The following ADAMTS20 variants were observed in gnomAD, a reference collection of about 807,000 sequenced individuals.
ADAMTS20 encodes ADAM metallopeptidase with thrombospondin type 1 motif 20, also known as A disintegrin and metalloproteinase with thrombospondin motifs 20.
ADAMTS20 carries 225 observed loss-of-function variants against 260.1 expected under a neutral mutation model. That is an observed-to-expected ratio of 0.87 (90% CI 0.78 to 0.97). ADAMTS20 has a LOEUF of 0.97. ADAMTS20 is among the 50% of genes least tolerant of loss of function. The pLI is 0.00. For synonymous variants in ADAMTS20, 802 were observed against 769.5 expected, an observed-to-expected ratio of 1.04 and a Z score of -0.70; for missense variants, 2,400 against 2,337.7, an observed-to-expected ratio of 1.03 and a Z score of -0.55.
At chr12:43,486,898 G>A (rs1942530333) in intron 7 of ADAMTS20, among the ~76,000 whole-genome samples, 1 of 152,058 alleles carries the variant, frequency 6.6e-6, no homozygotes, top group South Asian at 2.1e-4. Flanking sequence ...AACCAGAAAG[G>A]CCATTATTAT....
At chr12:43,441,754 C>T (rs1044564657) in intron 16 of ADAMTS20, among the ~76,000 whole-genome samples, 6 of 152,104 alleles carry the variant, frequency 3.9e-5, no homozygotes, top group Non-Finnish European at 2.9e-5. Flanking sequence ...TTCCAGAAAA[C>T]ATTTGTTTGG....
At chr12:43,549,994 A>T (rs1347513750) in intron 2 of ADAMTS20, among the ~76,000 whole-genome samples, 2 of 152,356 alleles carry the variant, frequency 1.3e-5, no homozygotes, top group East Asian at 3.9e-4. Context: ...CAAAAGCTAG[A>T]TACTTAGGAA....
Position 43,415,808 on chromosome 12 carries a change from T to C in ADAMTS20, c.4284+9706A>G, listed in dbSNP as rs554907035. ...GAATAATATGTCTTCAAACTCTTGG[T>C]AAATGAAAGTTCACATTTCTTTTGG... On this transcript the variant is annotated intron_variant, in intron 28 of 38. Coordinates refer to ENST00000389420, the MANE Select transcript of ADAMTS20 (RefSeq NM_025003.5). Among the ~76,000 whole-genome samples, 3 of 152,304 alleles carry C rather than the reference T, an allele frequency of 2.0e-5. No individual in the cohort carries two copies. The East Asian group carries it at 5.8e-4, about 29-fold the overall frequency.
intron 14 of ADAMTS20, among the ~76,000 whole-genome samples, chr12:43,449,098 C>G (rs890350775): frequency 6.6e-6 from 1 of 152,126 alleles, no homozygotes; most frequent in African/African-American, 2.4e-5. Flanking sequence ...GAGCTAAAAA[C>G]TGAACTACCA....
intron 36 of ADAMTS20, among the ~76,000 whole-genome samples, chr12:43,371,890 G>A (rs1440419486): frequency 1.3e-5 from 2 of 152,220 alleles, no homozygotes; most frequent in Non-Finnish European, 1.5e-5. Flanking sequence ...TGAATTACAT[G>A]TGGGTGTGGA....
intron 28 of ADAMTS20, among the ~76,000 whole-genome samples, chr12:43,404,805 C>T (rs1224151748): frequency 3.3e-5 from 5 of 152,016 alleles, no homozygotes; most frequent in African/African-American, 1.2e-4. Context: ...TTAGTGACTA[C>T]TAAGATAAAG....
intron 7 of ADAMTS20, among the ~76,000 whole-genome samples, chr12:43,472,398 T>C (rs1004855166): frequency 1.4e-5 from 2 of 144,074 alleles, no homozygotes; most frequent in Admixed American, 7.0e-5. Flanking sequence ...TGGAACCAAG[T>C]TGGAAAACAC....
chr12:43,421,282 CAAA>C (rs61465679), intron 28 of ADAMTS20, among the ~76,000 whole-genome samples: 1 of 118,892 alleles, frequency 8.4e-6, no homozygotes, highest in Non-Finnish European at 1.8e-5. Flanking sequence ...CTTTCATTTA[CAAA>C]AAAAAAAAAA....
intron 3 of ADAMTS20, among the ~76,000 whole-genome samples, chr12:43,528,956 G>GA (rs886094394): frequency 7.3e-5 from 11 of 151,678 alleles, no homozygotes; most frequent in Non-Finnish European, 1.5e-4. Flanking sequence ...AAATCAGCAA[G>GA]AAAAAAAGCA....
At chr12:43,512,253 T>C (rs927492549) in intron 3 of ADAMTS20, among the ~76,000 whole-genome samples, 1 of 149,040 alleles carries the variant, frequency 6.7e-6, no homozygotes, top group African/African-American at 2.4e-5. Flanking sequence ...ATAAGGAAAG[T>C]GAGGAACAAG....
At chr12:43,392,993 A>G (rs2137241999) in intron 29 of ADAMTS20, among the ~76,000 whole-genome samples, 1 of 152,122 alleles carries the variant, frequency 6.6e-6, no homozygotes, top group South Asian at 2.1e-4. Context: ...TTACATTTTC[A>G]TGTATTTATA....
Position 43,377,528 on chromosome 12 carries a change from C to A in ADAMTS20, c.4832G>T (p.Arg1611Met). The part of the protein sequence containing the change: ...ANNCGFSYRQ[R>M]ITYCTEIPST... The stretch of plus-strand genomic sequence containing the variant: ...TGGGATCTCGGTGCAATATGTAATC[C>A]TTTGTCTGTAACTAAATCCACAGTT... The change falls in exon 32 of 39, where the codon AGG becomes ATG. Residue 1611 changes from arginine (R) to methionine (M), a missense_variant. Transcript: ENST00000389420. 1 of 1,612,640 alleles carries A rather than the reference C, an allele frequency of 6.2e-7. No homozygotes were observed.
chr12:43,407,185 A>G (rs763570218), intron 28 of ADAMTS20, among the ~76,000 whole-genome samples: 8 of 152,022 alleles, frequency 5.3e-5, no homozygotes, highest in Middle Eastern at 3.2e-3. Context: ...ATCTAATCAT[A>G]TTTAAAATTT....
intron 37 of ADAMTS20, among the ~76,000 whole-genome samples, chr12:43,357,807 A>G (rs1282450279): frequency 6.6e-6 from 1 of 152,220 alleles, no homozygotes; most frequent in African/African-American, 2.4e-5. Context: ...CATTAAAAAC[A>G]TTAAATAGTA....
intron 2 of ADAMTS20, among the ~76,000 whole-genome samples, chr12:43,534,253 T>G (rs1796294453): frequency 6.7e-6 from 1 of 148,532 alleles, no homozygotes; most frequent in Non-Finnish European, 1.5e-5. Flanking sequence ...ATATCCAGAA[T>G]CTACAATGAA....
In ADAMTS20 at chr12:43,425,631, A is replaced by G; in HGVS notation, c.4167T>C (p.Asn1389=). ...AGTTGTGATCTTCTAATATTTGGCC[A>G]TTGGGAAATTGACATATTACAAGTC... is the stretch of plus-strand genomic sequence containing the variant. ...KSRLVICQFP[N]GQILEDHNCE... The change falls in exon 28 of 39, where the codon AAT becomes AAC. Residue 1389 remains asparagine (N), a synonymous_variant. Coordinates refer to ENST00000389420, the MANE Select transcript of ADAMTS20 (RefSeq NM_025003.5). 1 of 1,610,880 alleles carries G rather than the reference A, an allele frequency of 6.2e-7. No homozygotes were observed. The highest frequency in any genetic ancestry group is 8.5e-7 in the Non-Finnish European group (1 of 1,178,022).
intron 3 of ADAMTS20, among the ~76,000 whole-genome samples, chr12:43,528,286 GA>G (rs1372890690): frequency 1.2e-5 from 1 of 84,148 alleles, no homozygotes; most frequent in Non-Finnish European, 2.2e-5. Flanking sequence ...AAAGAATTAG[GA>G]AAAAAATCCT....
intron 3 of ADAMTS20, among the ~76,000 whole-genome samples, chr12:43,517,248 G>T (rs1286675810): frequency 3.3e-5 from 5 of 151,922 alleles, no homozygotes; most frequent in Admixed American, 2.6e-4. Flanking sequence ...AATATTGAAA[G>T]ATTGGAAAGG....
At chr12:43,363,627 A>G (rs772022985) in intron 37 of ADAMTS20, among the ~76,000 whole-genome samples, 13 of 152,164 alleles carry the variant, frequency 8.5e-5, no homozygotes, top group African/African-American at 2.4e-4. Context: ...TAGGAAATTC[A>G]CTAGCTTTTC....
Sources: gnomAD v4.1 joint callset for allele counts (sites outside exome capture counted in the v4.1 genomes callset) on GRCh38, gnomAD v4.1.1 for gene constraint, MANE v1.5 for transcripts, NCBI Gene and HGNC (gene_info 2026-07-23, HGNC 2026-07-21) for gene names.